WDR27: variants seen among roughly 807,000 people sequenced by gnomAD.
The protein encoded by WDR27 is WD repeat domain 27.
Under a neutral mutation model 114.4 loss-of-function variants are expected in WDR27, and 100 were observed. The ratio of observed to expected loss-of-function variants is 0.87; its 90% CI spans 0.74 to 1.03. WDR27 has a LOEUF of 1.03. Ranked by LOEUF, WDR27 falls within the 50% of genes least tolerant of loss-of-function variation. WDR27 has a pLI of 0.00. For synonymous variants in WDR27, 449 were observed against 423.1 expected (o/e 1.06, Z -0.75); for missense variants, 1,129 against 1,092.9 (o/e 1.03, Z -0.47).
chr6:169,512,775 T>C (rs1261540404), intron 25 of WDR27, among the ~76,000 whole-genome samples: 2 of 152,214 alleles, frequency 1.3e-5, no homozygotes, highest in East Asian at 3.9e-4. Context: ...TAAAAGAAAG[T>C]CATGTTTGAC....
chr6:169,524,133 C>T lies in WDR27; in HGVS notation c.2645+48286G>A, dbSNP rs552294570. ...TTAAAAAATCAGTAGTATTTATATACACCAACAGCAAACAATCTTAAAAAG... is the reference window on the plus strand; with the variant it reads ...TTAAAAAATCAGTAGTATTTATATATACCAACAGCAAACAATCTTAAAAAG... On this transcript the variant is annotated intron_variant, in intron 25 of 25. Transcript: ENST00000448612. Among the ~76,000 whole-genome samples the T allele has an allele frequency of 2.9e-4, 44 of 152,192 alleles. No individual in the cohort carries two copies. In the Middle Eastern group the frequency reaches 0.02, roughly 71 times the overall value.
chr6:169,448,496 G>A, the WDR27 span, among the ~76,000 whole-genome samples: 2 of 151,798 alleles, frequency 1.3e-5, no homozygotes, highest in African/African-American at 2.4e-5. Context: ...GATGTGCAAG[G>A]CACACACCTG....
intron 23 of WDR27, among the ~76,000 whole-genome samples, chr6:169,596,710 G>A (rs1162555862): frequency 1.3e-5 from 2 of 152,056 alleles, no homozygotes; most frequent in Non-Finnish European, 2.9e-5. Context: ...AGGTAATTTG[G>A]AGGCATGTTG....
At chr6:169,562,808 C>G (rs897801937) in intron 25 of WDR27, among the ~76,000 whole-genome samples, 2 of 152,014 alleles carry the variant, frequency 1.3e-5, no homozygotes, top group Admixed American at 1.3e-4. Context: ...TAAGGAACAG[C>G]GAGGGGTGAG....
intron 23 of WDR27, among the ~76,000 whole-genome samples, chr6:169,587,363 T>G (rs1377287584): frequency 6.6e-6 from 1 of 151,990 alleles, no homozygotes; most frequent in East Asian, 1.9e-4. Context: ...GGATTACAGG[T>G]GCCTAGCACC....
chr6:169,491,940 T>C (rs1231970410), intron 25 of WDR27, among the ~76,000 whole-genome samples: 2 of 152,154 alleles, frequency 1.3e-5, no homozygotes, highest in Non-Finnish European at 2.9e-5. Context: ...AAAATGAGAA[T>C]ATTCTTCAAC....
At chr6:169,662,219 C>T in intron 9 of WDR27, 85 bp downstream of exon 9, 4 of 1,499,384 alleles carry the variant, frequency 2.7e-6, no homozygotes, top group Non-Finnish European at 3.6e-6. Context: ...TTATCTCAGT[C>T]ATTCTTAGAA....
intron 3 of WDR27, chr6:169,671,971 C>T (rs1778856213): frequency 4.1e-6 from 1 of 244,818 alleles, no homozygotes; most frequent in South Asian, 1.5e-4. Flanking sequence ...ACAAAATGGA[C>T]AGTTCTTAAA....
the WDR27 span, among the ~76,000 whole-genome samples, chr6:169,429,216 G>A: frequency 6.6e-6 from 1 of 152,162 alleles, no homozygotes. Context: ...ACAGGCCTGA[G>A]GACCCAGGGG....
chr6:169,665,364 A>G, intron 7 of WDR27, 122 bp downstream of exon 7: 3 of 1,451,466 alleles, frequency 2.1e-6, no homozygotes, highest in Non-Finnish European at 2.7e-6. Context: ...CTCAGCACTG[A>G]GGTGGACAGG....
At chr6:169,489,992 C>T (rs1789535042) in intron 25 of WDR27, among the ~76,000 whole-genome samples, 1 of 152,178 alleles carries the variant, frequency 6.6e-6, no homozygotes, top group African/African-American at 2.4e-5. Flanking sequence ...GGCATTCACA[C>T]TGGGTTGGAG....
intron 3 of WDR27, 111 bp downstream of exon 3, chr6:169,672,144 G>T: frequency 8.9e-7 from 1 of 1,125,262 alleles, no homozygotes; most frequent in Non-Finnish European, 1.2e-6. Flanking sequence ...CAAACCCCCC[G>T]AGGGACTGCT....
Position 169,602,290 on chromosome 6 carries a change from G to A in WDR27, c.2353C>T (p.Arg785Cys), listed in dbSNP as rs767367690. Residue 785 changes from arginine (R) to cysteine (C), a missense_variant, in exon 23 of 26, where the codon CGC becomes TGC. Arg to Cys is a radical substitution (Grantham distance 180, BLOSUM62 -3). Transcript: ENST00000448612. ...CERHFEGHPT[R>C]GYPCGIAFSP... ...AAAGCGATTCCACATGGATAGCCGC[G>A]GGTTGGATGCCCTTCAAAGTGGCGC... is the stretch of plus-strand genomic sequence containing the variant. 9 of 1,563,802 alleles carry A rather than the reference G, an allele frequency of 5.8e-6. No individual in the cohort carries two copies. Among genetic ancestry groups the A allele is most frequent in the African/African-American group, 2.7e-5 (2 of 73,746 alleles).
chr6:169,631,343 A>G (rs1816301270), intron 21 of WDR27, among the ~76,000 whole-genome samples: 1 of 151,910 alleles, frequency 6.6e-6, no homozygotes, highest in Non-Finnish European at 1.5e-5. Context: ...CCCCAAGCTG[A>G]TATTTCCATG....
intron 2 of WDR27, among the ~76,000 whole-genome samples, chr6:169,687,064 T>C (rs535150627): frequency 6.6e-6 from 1 of 152,188 alleles, no homozygotes; most frequent in African/African-American, 2.4e-5. Context: ...AGTTCTGGTA[T>C]TCAAGAGTAC....
At chr6:169,510,677 T>C (rs1041666421) in intron 25 of WDR27, among the ~76,000 whole-genome samples, 117 of 151,744 alleles carry the variant, frequency 7.7e-4, no homozygotes, top group African/African-American at 2.5e-3. Context: ...ATATACCTAA[T>C]GCTAAATGAC....
chr6:169,673,610 T>C (rs979638106), intron 2 of WDR27, among the ~76,000 whole-genome samples: 1 of 151,868 alleles, frequency 6.6e-6, no homozygotes, highest in African/African-American at 2.4e-5. Flanking sequence ...AGATATCTAC[T>C]ATAAAGACAA....
At chr6:169,533,829 G>T (rs1486549634) in intron 25 of WDR27, among the ~76,000 whole-genome samples, 1 of 151,334 alleles carries the variant, frequency 6.6e-6, no homozygotes, top group Non-Finnish European at 1.5e-5. Flanking sequence ...AAGCCTGTGT[G>T]TGTGTGTGTG....
rs1585057943 is a variant in WDR27, at chr6:169,670,478, AAAAAG to A, written c.456+86_456+90del. On this transcript the variant is annotated intron_variant, in intron 4 of 25. Transcript: ENST00000448612. ...AGCTTAAAAAAAAAGGAGTACAGGA[AAAAAG>A]AAAAGACCGCTGGGCAAGGTCCCAG... The A allele has an allele frequency of 1.7e-5, 26 of 1,492,006 alleles. No homozygotes were observed. In the East Asian group the frequency reaches 4.3e-4, roughly 25 times the overall value. The allele number at this position is 1,492,006 out of a possible 1,614,324, so 92.4% of individuals were successfully genotyped here.
Sources: allele counts gnomAD v4.1 joint callset (sites outside exome capture counted in the v4.1 genomes callset), GRCh38; gene constraint gnomAD v4.1.1; transcripts MANE v1.5; gene names NCBI Gene and HGNC (gene_info 2026-07-23, HGNC 2026-07-21).